TENM2: variants seen among roughly 807,000 people sequenced by gnomAD.
TENM2 encodes the protein teneurin transmembrane protein 2, also known as teneurin-2.
Under a neutral mutation model 245.2 loss-of-function variants are expected in TENM2, and 52 were observed. That is an observed-to-expected ratio of 0.21 (90% CI 0.17 to 0.27). TENM2 has a LOEUF of 0.27. Among genes scored for constraint, TENM2 ranks in the 10% least tolerant of loss-of-function variants. TENM2 has a pLI of 1.00. For missense variants in TENM2, 3,046 were observed against 3,666.8 expected, an observed-to-expected ratio of 0.83 and a Z score of 4.37; for synonymous variants, 1,363 against 1,438.9, an observed-to-expected ratio of 0.95 and a Z score of 1.19.
At chr5:167,040,148 T>C in the TENM2 span, among the ~76,000 whole-genome samples, 1 of 152,090 alleles carries the variant, frequency 6.6e-6, no homozygotes, top group African/African-American at 2.4e-5. Flanking sequence ...CTTGTACTTC[T>C]ATCTAGCTAA....
chr5:167,129,724 T>C, the TENM2 span, among the ~76,000 whole-genome samples: 1 of 152,160 alleles, frequency 6.6e-6, no homozygotes, highest in Non-Finnish European at 1.5e-5. Context: ...AATAGAGCCA[T>C]ATAGGAAAAC....
chr5:167,209,464 A>C, the TENM2 span, among the ~76,000 whole-genome samples: 2 of 151,936 alleles, frequency 1.3e-5, no homozygotes, highest in South Asian at 2.1e-4. Flanking sequence ...GGATTTCACC[A>C]TGTTGGCCAG....
the TENM2 span, among the ~76,000 whole-genome samples, chr5:167,276,705 C>T: frequency 6.6e-6 from 1 of 151,988 alleles, no homozygotes; most frequent in African/African-American, 2.4e-5. Flanking sequence ...CTTCTGTATG[C>T]TTTAAATCAT....
At chr5:167,714,181 T>G (rs1478717367) in intron 2 of TENM2, among the ~76,000 whole-genome samples, 1 of 152,204 alleles carries the variant, frequency 6.6e-6, no homozygotes, top group Non-Finnish European at 1.5e-5. Context: ...GGGATTTCCA[T>G]GTATTTCCTG....
chr5:168,002,844 A>G (rs1056987573), intron 5 of TENM2, among the ~76,000 whole-genome samples: 1 of 152,238 alleles, frequency 6.6e-6, no homozygotes, highest in African/African-American at 2.4e-5. Context: ...ACTTTGGCAT[A>G]TGATTGGCTG....
the TENM2 span, among the ~76,000 whole-genome samples, chr5:167,216,234 C>T: frequency 4.6e-5 from 7 of 152,174 alleles, no homozygotes; most frequent in Non-Finnish European, 1.0e-4. Context: ...TTGCTTCCAC[C>T]TACTCTATGG....
chr5:167,220,780 A>G, the TENM2 span, among the ~76,000 whole-genome samples: 2 of 152,154 alleles, frequency 1.3e-5, no homozygotes, highest in Non-Finnish European at 2.9e-5. Flanking sequence ...CAAGTGAATA[A>G]GAACCTCAGT....
chr5:167,355,517 T>G (rs1277549206), intron 1 of TENM2, among the ~76,000 whole-genome samples: 1 of 152,234 alleles, frequency 6.6e-6, no homozygotes, highest in Non-Finnish European at 1.5e-5. Flanking sequence ...CAGGAATTAA[T>G]GAGGCTCCTA....
chr5:167,353,771 T>C (rs1308779097), intron 1 of TENM2, among the ~76,000 whole-genome samples: 2 of 151,978 alleles, frequency 1.3e-5, no homozygotes, highest in Non-Finnish European at 1.5e-5. Flanking sequence ...CCTCCCAAAG[T>C]GCTGGGATTA....
chr5:167,178,393 G>A, the TENM2 span, among the ~76,000 whole-genome samples: 1 of 152,162 alleles, frequency 6.6e-6, no homozygotes, highest in Non-Finnish European at 1.5e-5. Context: ...TATTAAAGCG[G>A]CTCCAGAACA....
intron 3 of TENM2, among the ~76,000 whole-genome samples, chr5:167,943,277 T>C (rs1779337473): frequency 6.6e-6 from 1 of 152,140 alleles, no homozygotes; most frequent in Admixed American, 6.5e-5. Context: ...TAATGAATGG[T>C]GTAGATCAGA....
intron 1 of TENM2, among the ~76,000 whole-genome samples, chr5:167,288,558 C>CAAAAAAAA (rs58929279): frequency 1.1e-5 from 1 of 93,672 alleles, no homozygotes; most frequent in African/African-American, 3.2e-5. Flanking sequence ...GACTCCGTCT[C>CAAAAAAAA]AAAAAAAAAA....
intron 9 of TENM2, among the ~76,000 whole-genome samples, chr5:168,112,455 T>C (rs954240035): frequency 2.6e-5 from 4 of 152,072 alleles, no homozygotes; most frequent in African/African-American, 9.7e-5. Flanking sequence ...AGCTCCTACT[T>C]ATGAGAATAT....
the TENM2 span, among the ~76,000 whole-genome samples, chr5:167,247,285 T>C: frequency 6.6e-6 from 1 of 152,142 alleles, no homozygotes; most frequent in South Asian, 2.1e-4. Context: ...ATTTGACTCC[T>C]GAGTTCACGC....
At chr5:167,823,051 T>G (rs1767664890) in intron 2 of TENM2, among the ~76,000 whole-genome samples, 1 of 152,186 alleles carries the variant, frequency 6.6e-6, no homozygotes, top group South Asian at 2.1e-4. Flanking sequence ...GTTACCAGTG[T>G]GAGAGAGGCA....
chr5:168,153,104 A>G (rs938963587), intron 12 of TENM2, among the ~76,000 whole-genome samples: 5 of 152,198 alleles, frequency 3.3e-5, no homozygotes, highest in African/African-American at 1.2e-4. Context: ...GAAAACAGCC[A>G]TGAACAACTG....
chr5:167,670,484 CCT>C (rs1360057834), intron 2 of TENM2, among the ~76,000 whole-genome samples: 1 of 139,846 alleles, frequency 7.2e-6, no homozygotes, highest in East Asian at 3.0e-4. Context: ...ATTCTCTCCC[CCT>C]CTCTCTCATC....
the TENM2 span, among the ~76,000 whole-genome samples, chr5:167,141,289 A>T: frequency 6.6e-6 from 1 of 152,240 alleles, no homozygotes; most frequent in African/African-American, 2.4e-5. Flanking sequence ...TGTGGCCTAA[A>T]CTATATTTGG....
the TENM2 span, among the ~76,000 whole-genome samples, chr5:167,050,239 A>G: frequency 6.6e-6 from 1 of 152,122 alleles, no homozygotes; most frequent in Non-Finnish European, 1.5e-5. Context: ...TTACCACCTG[A>G]GCTCCACCTC....
Sources: allele counts gnomAD v4.1 joint callset (sites outside exome capture counted in the v4.1 genomes callset), GRCh38; gene constraint gnomAD v4.1.1; transcripts MANE v1.5; gene names NCBI Gene and HGNC (gene_info 2026-07-23, HGNC 2026-07-21).